Variants in TDRD15 observed in about 807,000 individuals in gnomAD.
TDRD15 encodes the protein tudor domain containing 15.
For synonymous variants in TDRD15, 503 were observed against 314.5 expected (o/e 1.60, Z -6.34); for missense variants, 1,416 against 904.7 (o/e 1.57, Z -7.25).
At chr2:21,130,541 G>A (rs972482391) in intron 2 of TDRD15, among the ~76,000 whole-genome samples, 1 of 152,118 alleles carries the variant, frequency 6.6e-6, no homozygotes, top group African/African-American at 2.4e-5. Flanking sequence ...TCGAACCATC[G>A]TAAGTCTGAG....
At chr2:21,126,490 C>T (rs146176338) in intron 1 of TDRD15, among the ~76,000 whole-genome samples, 3 of 152,046 alleles carry the variant, frequency 2.0e-5, no homozygotes, top group African/African-American at 7.2e-5. Flanking sequence ...CCTCAGGCTC[C>T]CGAGTAGCTG....
At chr2:21,145,633 T>A (rs866369537), downstream of TDRD15, among the ~76,000 whole-genome samples, 2 of 152,018 alleles carry the variant, frequency 1.3e-5, no homozygotes, top group African/African-American at 2.4e-5. Context: ...ATGACAAATA[T>A]AAGAAATATG....
At chr2:21,132,939 G>A (rs894260041) in intron 2 of TDRD15, among the ~76,000 whole-genome samples, 10 of 151,844 alleles carry the variant, frequency 6.6e-5, no homozygotes, top group African/African-American at 1.7e-4. Context: ...GATATTCAGC[G>A]GCATCCCTGG....
chr2:21,130,999 A>G (rs1665708035), intron 2 of TDRD15, among the ~76,000 whole-genome samples: 1 of 152,174 alleles, frequency 6.6e-6, no homozygotes, highest in Admixed American at 6.5e-5. Flanking sequence ...TAGGAAAAGC[A>G]TTTGATGTAA....
At position 21,140,285 on chromosome 2, in the gene TDRD15, A is replaced by C; in HGVS notation, c.2818A>C (p.Thr940Pro). Residue 940 changes from threonine to proline, a missense_variant, in exon 4 of 4, where the codon ACA (threonine) becomes CCA (proline). Transcript: ENST00000405799. ...GAATCGTGGCTCTGCTCAGTATATC[A>C]CATTATCAGAGACATTCCCATCTTT... The part of the protein sequence containing the change: ...LMNRGSAQYI[T>P]LSETFPSLFS... 2 of 715,202 alleles carry C rather than the reference A, an allele frequency of 2.8e-6. No homozygotes were observed. The highest frequency in any genetic ancestry group is 2.6e-6 in the Non-Finnish European group (1 of 383,712). 44.3% of individuals were successfully genotyped at this position (715,202 alleles called of 1,614,324 possible). A position where few individuals can be genotyped will look rare whatever the true frequency, so the allele number is the denominator to read the frequency against.
intron 2 of TDRD15, among the ~76,000 whole-genome samples, chr2:21,128,703 T>C (rs1665649313): frequency 6.6e-6 from 1 of 152,144 alleles, no homozygotes; most frequent in Non-Finnish European, 1.5e-5. Flanking sequence ...TGGGTTTCTA[T>C]CTTTCTTAAG....
Position 21,136,118 on chromosome 2 carries a change from A to G in TDRD15, c.-4+1271A>G, listed in dbSNP as rs1030468316. On this transcript the variant is annotated intron_variant, in intron 3 of 3. Transcript: ENST00000405799. ...TGAATGCCAGGAAGACAGTTTTGGT[A>G]TAATCCAGTACAGGATTCTTTGAGA... Among the ~76,000 whole-genome samples the G allele has an allele frequency of 3.9e-5, 6 of 152,162 alleles. No homozygotes were observed. The East Asian group carries it at 9.7e-4, about 24-fold the overall frequency.
chr2:21,144,673 A>G (rs1336477134), downstream of TDRD15, among the ~76,000 whole-genome samples: 2 of 151,928 alleles, frequency 1.3e-5, no homozygotes, highest in East Asian at 1.9e-4. Context: ...ACAACTCTAC[A>G]AAGTATGTTG....
In TDRD15 at chr2:21,140,213, T is replaced by G. The variant is rs1349757748; in HGVS notation, c.2746T>G (p.Leu916Val). 2 of 715,462 alleles carry G rather than the reference T, an allele frequency of 2.8e-6. No homozygotes were observed. Among genetic ancestry groups the G allele is most frequent in the Non-Finnish European group, 2.6e-6 (1 of 383,842 alleles). 44.3% of individuals were successfully genotyped at this position (715,462 alleles called of 1,614,324 possible). ...VIIHPNHLYN[L>V]VDLQSSFTSA... is the part of the protein sequence containing the mutation. ...TATACATCCAAACCATTTATATAAC[T>G]TAGTGGATTTACAGTCCTCATTTAC... is the stretch of plus-strand genomic sequence containing the variant. Residue 916 changes from leucine to valine, a missense_variant, in exon 4 of 4, where the codon TTA (leucine) becomes GTA (valine). Coordinates refer to ENST00000405799, the MANE Select transcript of TDRD15 (RefSeq NM_001306137.2).
Position 21,144,156 on chromosome 2 carries a change from G to A in TDRD15, c.*884G>A, listed in dbSNP as rs1036446464. Among the ~76,000 whole-genome samples the A allele has an allele frequency of 7.3e-5, 11 of 151,652 alleles. No homozygotes were observed. Among genetic ancestry groups the A allele is most frequent in the African/African-American group, 2.2e-4 (9 of 41,364 alleles). ...GATAAATTTATAAATAAACTGACTA[G>A]CATATTTTCTCTTAAGTCTTTTAAA... On this transcript the variant is annotated 3_prime_UTR_variant, in exon 4 of 4. Transcript: ENST00000405799.
rs1393443326 is a variant in TDRD15, at chr2:21,144,172, G to C, written c.*900G>C. ...AACTGACTAGCATATTTTCTCTTAA[G>C]TCTTTTAAATGTCAAACTGATACTA... On this transcript the variant is annotated 3_prime_UTR_variant, in exon 4 of 4. Coordinates refer to ENST00000405799, the MANE Select transcript of TDRD15 (RefSeq NM_001306137.2). 6.6e-6 allele frequency among the ~76,000 whole-genome samples: 1 copy of C among 151,534 alleles called. No homozygotes were observed. The highest frequency in any genetic ancestry group is 2.4e-5 in the African/African-American group (1 of 41,302).
At chr2:21,126,791 G>GT (rs1665607123) in intron 1 of TDRD15, among the ~76,000 whole-genome samples, 1 of 152,130 alleles carries the variant, frequency 6.6e-6, no homozygotes, top group Non-Finnish European at 1.5e-5. Context: ...ACAAGTTTTT[G>GT]TATGGACATA....
rs1212800613 is a variant in TDRD15, at chr2:21,139,968, A to G, written c.2501A>G (p.Asp834Gly). 7.0e-6 allele frequency: 5 copies of G among 715,994 alleles called. No homozygotes were observed. 44.4% of individuals were successfully genotyped at this position (715,994 alleles called of 1,614,324 possible). A position where few individuals can be genotyped will look rare whatever the true frequency, so the allele number is the denominator to read the frequency against. Residue 834 changes from aspartate (D) to glycine (G), a missense_variant, in exon 4 of 4, where the codon GAT becomes GGT. Coordinates refer to ENST00000405799, the MANE Select transcript of TDRD15 (RefSeq NM_001306137.2). The part of the protein sequence containing the change: ...VSKEVDIVFV[D>G]YGYQKRVLIE... ...AAAGAAGTTGACATAGTGTTTGTTG[A>G]TTATGGTTACCAAAAAAGGGTTTTA... is the stretch of plus-strand genomic sequence containing the variant.
At chr2:21,125,826 A>C (rs1665579688) in intron 1 of TDRD15, among the ~76,000 whole-genome samples, 1 of 152,164 alleles carries the variant, frequency 6.6e-6, no homozygotes, top group South Asian at 2.1e-4. Flanking sequence ...GTATACACGT[A>C]AGATATCATT....
At position 21,140,518 on chromosome 2, in the gene TDRD15, G is replaced by C. The variant is rs1161143606; in HGVS notation, c.3051G>C (p.Val1017=). 1 of 694,674 alleles carries C rather than the reference G, an allele frequency of 1.4e-6. No homozygotes were observed. Among genetic ancestry groups the C allele is most frequent in the East Asian group, 2.7e-5 (1 of 37,164 alleles). 43.0% of individuals were successfully genotyped at this position (694,674 alleles called of 1,614,324 possible). A position where few individuals can be genotyped will look rare whatever the true frequency, so the allele number is the denominator to read the frequency against. The change falls in exon 4 of 4, where the codon GTG becomes GTC. Residue 1017 remains valine, a synonymous_variant. Transcript: ENST00000405799. ...AATATGATTCTAATAAAATGAGAGT[G>C]TGCATATCTAAGTATGTAGAGGATG... ...FPKYDSNKMR[V]CISKYVEDGL...
intron 2 of TDRD15, among the ~76,000 whole-genome samples, chr2:21,132,687 TA>T (rs1023281177): frequency 7.9e-5 from 12 of 152,288 alleles, no homozygotes; most frequent in African/African-American, 2.6e-4. Context: ...ATTAATATAT[TA>T]AAAAAATTTT....
chr2:21,137,148 T>C (rs1246121814), intron 3 of TDRD15, among the ~76,000 whole-genome samples: 1 of 151,980 alleles, frequency 6.6e-6, no homozygotes, highest in African/African-American at 2.4e-5. Flanking sequence ...ATCTGTCCAA[T>C]ATCCAGCTGG....
chr2:21,124,842 CAG>C (rs1416370662), intron 1 of TDRD15, among the ~76,000 whole-genome samples: 1 of 116,560 alleles, frequency 8.6e-6, no homozygotes, highest in Non-Finnish European at 1.8e-5. Context: ...GTGTGTGTGA[CAG>C]AGTGATCCTA....
chr2:21,142,513 C>A lies in TDRD15; in HGVS notation c.5046C>A (p.Asp1682Glu), dbSNP rs143541511. Residue 1682 changes from aspartate (D) to glutamate (E), a missense_variant, in exon 4 of 4, where the codon GAC (aspartate) becomes GAA (glutamate). Transcript: ENST00000405799. ...GGGAAGTAGAAATTTTGGTAGATGA[C>A]CTGTTACTTTTGGAATACTTAAATT... ...AVWEVEILVDDLLLLEYLNLN... is the reference protein window; with the variant it reads ...AVWEVEILVDELLLLEYLNLN... The A allele has an allele frequency of 3.2e-4, 221 of 697,192 alleles. No individual in the cohort carries two copies. The East Asian group carries it at 5.9e-3, about 19-fold the overall frequency. 43.2% of individuals were successfully genotyped at this position (697,192 alleles called of 1,614,324 possible).
Sources: gnomAD v4.1 joint callset for allele counts (sites outside exome capture counted in the v4.1 genomes callset) on GRCh38, gnomAD v4.1.1 for gene constraint, MANE v1.5 for transcripts, NCBI Gene and HGNC (gene_info 2026-07-23, HGNC 2026-07-21) for gene names.